LDHD: variants seen among roughly 807,000 people sequenced by gnomAD.
LDHD encodes lactate dehydrogenase D, also known as D-lactate dehydrogenase, mitochondrial.
Under a neutral mutation model 52.9 loss-of-function variants are expected in LDHD, and 58 were observed. The ratio of observed to expected loss-of-function variants is 1.10; its 90% confidence interval spans 0.89 to 1.36. The LOEUF is 1.36. Among genes scored for constraint, LDHD ranks in the 40% most tolerant of loss-of-function variants. The probability of loss-of-function intolerance (pLI) is 0.00; values close to 1 mark genes in which losing one functional copy is unlikely to be tolerated. For missense variants in LDHD, 747 were observed against 668.0 expected, an observed-to-expected ratio of 1.12 and a Z score of -1.30; for synonymous variants, 350 against 288.6, an observed-to-expected ratio of 1.21 and a Z score of -2.16.
At chr16:75,113,012 C>T in intron 8 of LDHD, 88 bp from the exon 9 acceptor site, 5 of 919,252 alleles carry the variant, frequency 5.4e-6, no homozygotes, top group Non-Finnish European at 8.6e-6. Context: ...TCGGAGGGCA[C>T]TGGGCTTCAG....
chr16:75,114,705 AGGC>A lies in LDHD; in HGVS notation c.470-23_470-21del. On this transcript the variant is annotated intron_variant, in intron 4 of 10. Transcript: ENST00000450168. ...CTGGGTCTGGAGGGCGGCGTACAGA[AGGC>A]AGCCTCAGGGACCGGAGGTCCTTTC... 6.5e-7 allele frequency: 1 copy of A among 1,537,550 alleles called. No homozygotes were observed. The highest frequency in any genetic ancestry group is 2.0e-5 in the Admixed American group (1 of 49,704).
At position 75,112,503 on chromosome 16, in the gene LDHD, G is replaced by C. The variant is rs375856225; in HGVS notation, c.1308C>G (p.His436Gln). The C allele has an allele frequency of 6.2e-7, 1 of 1,613,282 alleles. No individual in the cohort carries two copies. The highest frequency in any genetic ancestry group is 1.1e-5 in the South Asian group (1 of 91,062). Residue 436 changes from histidine to glutamine, a missense_variant, in exon 11 of 11, where the codon CAC becomes CAG. Physicochemically the swap from His to Gln is conservative, Grantham distance 24 (BLOSUM62 0). Coordinates refer to ENST00000450168, the MANE Select transcript of LDHD (RefSeq NM_194436.3). ...TGCCATGCTCCCCCGTGCACGTTCCGTGGAGAGCCAGTGCCCGCCTGGGGG... is the reference window on the plus strand; with the variant it reads ...TGCCATGCTCCCCCGTGCACGTTCCCTGGAGAGCCAGTGCCCGCCTGGGGG... ...EQLGRRALAL[H>Q]GTCTGEHGIG...
Position 75,114,949 on chromosome 16 carries a change from A to G in LDHD, c.347T>C (p.Leu116Pro). The change falls in exon 4 of 11, where the codon CTG becomes CCG. Residue 116 changes from leucine (L) to proline (P), a missense_variant. Transcript: ENST00000450168. ...CAVQGGVCVN[L>P]THMDRILELN... is the part of the protein sequence containing the mutation. ...CTCCAGGATTCGGTCCATATGCGTC[A>G]GGTTAACGCAGACGCCGCCCTGGTT... 1.9e-6 allele frequency: 3 copies of G among 1,612,556 alleles called. No individual in the cohort carries two copies. Among genetic ancestry groups the G allele is most frequent in the Non-Finnish European group, 2.5e-6 (3 of 1,179,440 alleles).
At chr16:75,114,743 G>A in intron 4 of LDHD, 58 bp from the exon 5 acceptor site, 2 of 1,561,398 alleles carry the variant, frequency 1.3e-6, no homozygotes, top group Non-Finnish European at 1.7e-6. Context: ...CCCTCGGGCT[G>A]GGGGAGGAAG....
chr16:75,116,761 G>C lies in LDHD; in HGVS notation c.-41C>G. 2 of 1,388,726 alleles carry C rather than the reference G, an allele frequency of 1.4e-6. No homozygotes were observed. The highest frequency in any genetic ancestry group is 2.0e-6 in the Non-Finnish European group (2 of 1,020,098). 86.0% of individuals were successfully genotyped at this position (1,388,726 alleles called of 1,614,324 possible). On this transcript the variant is annotated 5_prime_UTR_variant, in exon 1 of 11. Transcript: ENST00000450168. The stretch of plus-strand genomic sequence containing the variant: ...AGAGGGTGTGAGCACTGGGTGGCAG[G>C]GTGACCAGTCAGCTACTGTGGCAGC...
rs760623860 is a variant in LDHD, at chr16:75,114,669, G to C, written c.486C>G (p.Ala162=). The part of the protein sequence containing the change: ...LWFPVDPGAD[A]SLCGMAATGA... ...CGGTGGCCGCCATGCCACAGAGAGA[G>C]GCGTCCGCGCCTGGGTCTGGAGGGC... Residue 162 remains alanine (A), a synonymous_variant, in exon 5 of 11, where the codon GCC becomes GCG. Transcript: ENST00000450168. 3 of 1,533,434 alleles carry C rather than the reference G, an allele frequency of 2.0e-6. No individual in the cohort carries two copies. Among genetic ancestry groups the C allele is most frequent in the South Asian group, 1.2e-5 (1 of 84,084 alleles). 95.0% of individuals were successfully genotyped at this position (1,533,434 alleles called of 1,614,324 possible). A position where few individuals can be genotyped will look rare whatever the true frequency, so the allele number is the denominator to read the frequency against.
At position 75,112,429 on chromosome 16, in the gene LDHD, C is replaced by T. The variant is rs1410868385; in HGVS notation, c.1382G>A (p.Gly461Asp). ...QLLQEEVGAV[G>D]VETMRQLKAV... ...CTTGAGCTGCCGCATGGTCTCCACG[C>T]CCACGGCGCCCACCTCCTCCTGCAG... Residue 461 changes from glycine (G) to aspartate (D), a missense_variant, in exon 11 of 11, where the codon GGC (glycine) becomes GAC (aspartate). Coordinates refer to ENST00000450168, the MANE Select transcript of LDHD (RefSeq NM_194436.3). The T allele has an allele frequency of 6.2e-7, 1 of 1,613,382 alleles. No homozygotes were observed. Among genetic ancestry groups the T allele is most frequent in the African/African-American group, 1.3e-5 (1 of 74,938 alleles).
chr16:75,115,722 C>T, intron 1 of LDHD, 62 bp from the exon 2 acceptor site: 2 of 1,074,658 alleles, frequency 1.9e-6, no homozygotes, highest in Admixed American at 5.1e-5. Context: ...CAGCCCTGCC[C>T]CAGTGTCGGG....
rs1269991112 is a variant in LDHD, at chr16:75,112,268, A to G, written c.*88T>C. 4 of 1,454,394 alleles carry G rather than the reference A, an allele frequency of 2.8e-6. No individual in the cohort carries two copies. The East Asian group carries it at 6.9e-5, about 25-fold the overall frequency. The allele number at this position is 1,454,394 out of a possible 1,614,324, so 90.1% of individuals were successfully genotyped here. On this transcript the variant is annotated 3_prime_UTR_variant, in exon 11 of 11. Coordinates refer to ENST00000450168, the MANE Select transcript of LDHD (RefSeq NM_194436.3). Reference sequence around the variant, plus strand: ...TGGCAGGAAGACTGCCTCAGCATCTATTTCCTTGCAGGGGCCGTGGCATGA... The same window carrying G: ...TGGCAGGAAGACTGCCTCAGCATCTGTTTCCTTGCAGGGGCCGTGGCATGA...
Position 75,114,658 on chromosome 16 carries a change from CCA to C in LDHD, c.495_496del (p.Cys165TrpfsTer79). 1.3e-6 allele frequency: 2 copies of C among 1,532,182 alleles called. No homozygotes were observed. The highest frequency in any genetic ancestry group is 1.8e-6 in the Non-Finnish European group (2 of 1,140,590). 94.9% of individuals were successfully genotyped at this position (1,532,182 alleles called of 1,614,324 possible). A position where few individuals can be genotyped will look rare whatever the true frequency, so the allele number is the denominator to read the frequency against. On this transcript the variant is annotated frameshift_variant, in exon 5 of 11. Transcript: ENST00000450168. LOFTEE classifies it high-confidence loss of function. ...CCCCGACGCCCCGGTGGCCGCCATG[CCA>C]CAGAGAGAGGCGTCCGCGCCTGGGT...
chr16:75,114,996 G>A (rs756925157), intron 3 of LDHD, 28 bp from the exon 4 acceptor site: 4 of 1,594,576 alleles, frequency 2.5e-6, no homozygotes, highest in Non-Finnish European at 3.4e-6. Flanking sequence ...TAAGACCACT[G>A]CAGACCTGGG....
chr16:75,113,421 G>A (rs1276807405), intron 8 of LDHD, 114 bp downstream of exon 8: 1 of 1,323,976 alleles, frequency 7.6e-7, no homozygotes, highest in African/African-American at 1.5e-5. Context: ...GCTCAGCCAG[G>A]CCCAGCCCCG....
At position 75,115,668 on chromosome 16, in the gene LDHD, G is replaced by C. The variant is rs989472084; in HGVS notation, c.73-8C>G. ...GTCCCTGCAGAGCTCTCCCTGCAGG[G>C]AAGAAACACACTGCCAGGGTCCCCC... On this transcript the variant is annotated splice_polypyrimidine_tract_variant and splice_region_variant and intron_variant, in intron 1 of 10. Coordinates refer to ENST00000450168, the MANE Select transcript of LDHD (RefSeq NM_194436.3). 4.5e-6 allele frequency: 7 copies of C among 1,562,094 alleles called. No individual in the cohort carries two copies. The Admixed American group carries it at 5.2e-5, about 12-fold the overall frequency.
In LDHD at chr16:75,114,867, G is replaced by A; in HGVS notation, c.429C>T (p.Leu143=). 1 of 1,614,024 alleles carries A rather than the reference G, an allele frequency of 6.2e-7. No individual in the cohort carries two copies. Among genetic ancestry groups the A allele is most frequent in the Non-Finnish European group, 8.5e-7 (1 of 1,179,998 alleles). The change falls in exon 4 of 11, where the codon CTC becomes CTT. Residue 143 remains leucine (L), a synonymous_variant. Coordinates refer to ENST00000450168, the MANE Select transcript of LDHD (RefSeq NM_194436.3). ...VVEPGVTRKA[L]NAHLRDSGLW... ...GGCCGCTGTCCCGCAGGTGGGCGTT[G>A]AGGGCTTTGCGGGTGACACCTGGCT...
rs1477322137 is a variant in LDHD, at chr16:75,115,667, G to A, written c.73-7C>T. On this transcript the variant is annotated splice_polypyrimidine_tract_variant and splice_region_variant and intron_variant, in intron 1 of 10. Transcript: ENST00000450168. ...AGTCCCTGCAGAGCTCTCCCTGCAGGGAAGAAACACACTGCCAGGGTCCCC... is the reference window on the plus strand; with the variant it reads ...AGTCCCTGCAGAGCTCTCCCTGCAGAGAAGAAACACACTGCCAGGGTCCCC... 6.4e-7 allele frequency: 1 copy of A among 1,569,406 alleles called. No individual in the cohort carries two copies. The highest frequency in any genetic ancestry group is 1.1e-5 in the South Asian group (1 of 88,388).
At position 75,112,158 on chromosome 16, in the gene LDHD, G is replaced by A; in HGVS notation, c.*198C>T. The A allele has an allele frequency of 3.1e-6, 2 of 636,812 alleles. No individual in the cohort carries two copies. Among genetic ancestry groups the A allele is most frequent in the South Asian group, 4.5e-5 (2 of 44,152 alleles). The allele number at this position is 636,812 out of a possible 1,614,324, so 39.4% of individuals were successfully genotyped here. A position where few individuals can be genotyped will look rare whatever the true frequency, so the allele number is the denominator to read the frequency against. On this transcript the variant is annotated 3_prime_UTR_variant, in exon 11 of 11. Transcript: ENST00000450168. ...GTTTACTGAACCAAAGGCTCCTGGG[G>A]CCAGCCAGAGGGCCAGGGAGGTAAC...
At chr16:75,115,451 A>C in intron 2 of LDHD, 97 bp downstream of exon 2, 2 of 1,587,802 alleles carry the variant, frequency 1.3e-6, no homozygotes, top group Non-Finnish European at 1.7e-6. Context: ...AGAGCACCCC[A>C]AAACAGATGA....
At chr16:75,116,061 A>G (rs1567505426) in intron 1 of LDHD, among the ~76,000 whole-genome samples, 2 of 152,340 alleles carry the variant, frequency 1.3e-5, no homozygotes, top group African/African-American at 4.8e-5. Flanking sequence ...ATAAAAAACC[A>G]GAATTCACTC....
intron 4 of LDHD, 67 bp downstream of exon 4, chr16:75,114,760 T>C: frequency 6.3e-7 from 1 of 1,575,128 alleles, no homozygotes; most frequent in Non-Finnish European, 8.6e-7. Context: ...GAAGGTCCCC[T>C]GAACCCCAGA....
Sources: gnomAD v4.1 joint callset for allele counts (sites outside exome capture counted in the v4.1 genomes callset) on GRCh38, gnomAD v4.1.1 for gene constraint, MANE v1.5 for transcripts, NCBI Gene and HGNC (gene_info 2026-07-23, HGNC 2026-07-21) for gene names.